The following KIF1A variants were observed in gnomAD, a reference collection of about 807,000 sequenced individuals.
KIF1A encodes the protein kinesin family member 1A.
Under a neutral mutation model 227.3 loss-of-function variants are expected in KIF1A, and 46 were observed. The observed-to-expected ratio is 0.20, with a 90% CI of 0.16 to 0.26. The LOEUF (loss-of-function observed/expected upper bound fraction) is 0.26, where lower values mean the gene tolerates loss of function less well. KIF1A is among the 10% of genes least tolerant of loss of function. The pLI is 1.00. For missense variants in KIF1A, 1,683 were observed against 2,485.9 expected, an observed-to-expected ratio of 0.68 and a Z score of 6.87; for synonymous variants, 1,022 against 1,012.8, an observed-to-expected ratio of 1.01 and a Z score of -0.17.
rs756474087 is a variant in KIF1A at position 240,761,385 on chromosome 2, G to A, written c.2117-8C>T. On this transcript the variant is annotated splice_region_variant and splice_polypyrimidine_tract_variant and intron_variant, in intron 23 of 48. Transcript: ENST00000498729. ...CCCGCTCTGTCCACTGGACTGTGGG[G>A]AGAGGTCACACGTGGTCATCGCAGG... 41 of 1,590,230 alleles carry A rather than the reference G, an allele frequency of 2.6e-5. No individual in the cohort carries two copies. Among genetic ancestry groups the A allele is most frequent in the Non-Finnish European group, 3.3e-5 (39 of 1,164,736 alleles).
In KIF1A at chr2:240,722,609, G is replaced by A. The variant is rs377180036; in HGVS notation, c.4512C>T (p.Thr1504=). The change falls in exon 43 of 49, where the codon ACC becomes ACT. Residue 1504 remains threonine (T), a synonymous_variant. Transcript: ENST00000498729. ...GTGCCTCCGGGACAGGCCGCTGGGC[G>A]GTCTCCAGCTTCTCCCGCAGGAGCA... ...HYLLLREKLE[T]AQRPVPEALS... 8.4e-5 allele frequency: 132 copies of A among 1,564,202 alleles called. No individual in the cohort carries two copies. The highest frequency in any genetic ancestry group is 1.5e-4 in the South Asian group (13 of 85,048).
rs73102667 is a variant in KIF1A at position 240,785,565 on chromosome 2, G to A, written c.609-465C>T. On this transcript the variant is annotated intron_variant, in intron 6 of 48. Coordinates refer to ENST00000498729, the MANE Select transcript of KIF1A (RefSeq NM_001244008.2). Reference sequence around the variant, plus strand: ...GGTCCTCCAGAACAGGAAGCCCAAGGCTGCTGAGGGTGGCCTGGAGTTGGT... The same window carrying A: ...GGTCCTCCAGAACAGGAAGCCCAAGACTGCTGAGGGTGGCCTGGAGTTGGT... Among the ~76,000 whole-genome samples, 1,049 of 152,308 alleles carry A rather than the reference G, an allele frequency of 6.9e-3. 13 individuals carry two copies. Among genetic ancestry groups the A allele is most frequent in the African/African-American group, 0.022 (928 of 41,570 alleles).
chr2:240,745,169 G>A (rs1285462114), intron 32 of KIF1A, among the ~76,000 whole-genome samples: 3 of 152,104 alleles, frequency 2.0e-5, no homozygotes, highest in Admixed American at 6.5e-5. Context: ...CCTGCATCCG[G>A]CTCCCCATCG....
At position 240,792,124 on chromosome 2, in the gene KIF1A, G is replaced by A. The variant is rs1166171232; in HGVS notation, c.107-2812C>T. ...GGGAGGTCCTCTCCCCCGGTCACAC[G>A]ACGCACAGCCAGACTAGAAGCCAGG... is the stretch of plus-strand genomic sequence containing the variant. On this transcript the variant is annotated intron_variant, in intron 2 of 48. Coordinates refer to ENST00000498729, the MANE Select transcript of KIF1A (RefSeq NM_001244008.2). This position sits in a 1 kb window ranked among gnomAD's most constrained non-coding sequence, Gnocchi z 4.5. 6.6e-6 allele frequency among the ~76,000 whole-genome samples: 1 copy of A among 151,832 alleles called. No individual in the cohort carries two copies. The highest frequency in any genetic ancestry group is 1.5e-5 in the Non-Finnish European group (1 of 67,932).
intron 11 of KIF1A, 130 bp from the exon 12 acceptor site, chr2:240,774,391 A>ACCCCC (rs570956380): frequency 2.2e-4 from 59 of 265,672 alleles, no homozygotes; most frequent in African/African-American, 5.1e-4. Flanking sequence ...TCACAGGCTT[A>ACCCCC]CCCCCCCCCC....
rs753590458 is a variant in KIF1A at position 240,723,562 on chromosome 2, C to A, written c.4319-4G>T. 1.3e-6 allele frequency: 2 copies of A among 1,531,982 alleles called. No individual in the cohort carries two copies. The highest frequency in any genetic ancestry group is 1.2e-5 in the South Asian group (1 of 83,068). The allele number at this position is 1,531,982 out of a possible 1,614,324, so 94.9% of individuals were successfully genotyped here. On this transcript the variant is annotated splice_polypyrimidine_tract_variant and splice_region_variant and intron_variant, in intron 41 of 48. Coordinates refer to ENST00000498729, the MANE Select transcript of KIF1A (RefSeq NM_001244008.2). The stretch of plus-strand genomic sequence containing the variant: ...CGTCGGCGCCGGCGCTGCATCCCTG[C>A]ATGGGGCACGTGGACATTCCACCCC...
Position 240,713,945 on chromosome 2 carries a change from CAGGGACGCGGCCTCTG to C in KIF1A, c.*3403_*3418del, listed in dbSNP as rs757597330. 6.5e-6 allele frequency: 1 copy of C among 152,832 alleles called. No homozygotes were observed. Among genetic ancestry groups the C allele is most frequent in the Non-Finnish European group, 1.5e-5 (1 of 68,180 alleles). The allele number at this position is 152,832 out of a possible 1,614,324, so 9.5% of individuals were successfully genotyped here. A position where few individuals can be genotyped will look rare whatever the true frequency, so the allele number is the denominator to read the frequency against. Reference sequence around the variant, plus strand: ...CCACAGCAATCACATATGTACAAGCCAGGGACGCGGCCTCTGAGCCACAGGGGAACCAGGGGACGGA... The same window carrying C: ...CCACAGCAATCACATATGTACAAGCCAGCCACAGGGGAACCAGGGGACGGA... On this transcript the variant is annotated 3_prime_UTR_variant, in exon 49 of 49. Coordinates refer to ENST00000498729, the MANE Select transcript of KIF1A (RefSeq NM_001244008.2).
Position 240,766,907 on chromosome 2 carries a change from G to A in KIF1A, c.1684+8C>T, listed in dbSNP as rs769501237. ...TGGGTGCGGGTAGGGACGGTAGGGT[G>A]GTGATACCTTCGCTGCCTCCCCTGG... On this transcript the variant is annotated splice_region_variant and intron_variant, in intron 19 of 48. Transcript: ENST00000498729. This position sits in a 1 kb window ranked among gnomAD's most constrained non-coding sequence, Gnocchi z 5.0. 3 of 1,589,854 alleles carry A rather than the reference G, an allele frequency of 1.9e-6. No homozygotes were observed. Among genetic ancestry groups the A allele is most frequent in the East Asian group, 2.3e-5 (1 of 44,350 alleles).
chr2:240,768,398 G>A (rs1219435437), intron 17 of KIF1A, among the ~76,000 whole-genome samples: 5 of 152,338 alleles, frequency 3.3e-5, no homozygotes, highest in African/African-American at 1.2e-4. Context: ...GGACCTCAGC[G>A]CGTGCTGGGC....
At chr2:240,745,650 G>A (rs955291292) in intron 31 of KIF1A, 88 bp downstream of exon 31, 4 of 1,526,596 alleles carry the variant, frequency 2.6e-6, no homozygotes, top group African/African-American at 1.4e-5. Flanking sequence ...CACCAACATG[G>A]CCTGCTCCCT....
intron 41 of KIF1A, 112 bp from the exon 42 acceptor site, chr2:240,723,670 G>T: frequency 8.0e-7 from 1 of 1,255,640 alleles, no homozygotes; most frequent in Non-Finnish European, 1.1e-6. Flanking sequence ...GTGGAGATGG[G>T]CTTCCCCTGG....
At chr2:240,787,451 C>T (rs112426666) in intron 4 of KIF1A, 135 bp from the exon 5 acceptor site, 61 of 742,790 alleles carry the variant, frequency 8.2e-5, no homozygotes, top group Middle Eastern at 3.1e-4. Context: ...TCACCACACA[C>T]GTCATGGTAA....
chr2:240,755,350 G>A (rs555826969), intron 27 of KIF1A, among the ~76,000 whole-genome samples: 27 of 152,356 alleles, frequency 1.8e-4, no homozygotes, highest in African/African-American at 4.6e-4. Context: ...TGAGTGTGGC[G>A]GGAGGGAGGG....
chr2:240,719,989 C>T (rs2045101019), intron 45 of KIF1A, 63 bp from the exon 46 acceptor site: 2 of 1,506,352 alleles, frequency 1.3e-6, no homozygotes, highest in African/African-American at 2.8e-5. Context: ...CGTCTTCCCC[C>T]AGGCTTCACC....
Position 240,788,008 on chromosome 2 carries a change from C to T in KIF1A, c.363+43G>A, listed in dbSNP as rs1246103979. The T allele has an allele frequency of 3.3e-6, 5 of 1,528,808 alleles. No individual in the cohort carries two copies. The African/African-American group carries it at 7.0e-5, about 21-fold the overall frequency. The allele number at this position is 1,528,808 out of a possible 1,614,324, so 94.7% of individuals were successfully genotyped here. ...GAGCTCTCAGCCTCAGCTGGTCCCG[C>T]CCCATCTGCCAGGGCTGCCCCCGCC... On this transcript the variant is annotated intron_variant, in intron 4 of 48. Coordinates refer to ENST00000498729, the MANE Select transcript of KIF1A (RefSeq NM_001244008.2). This position sits in a 1 kb window ranked among gnomAD's most constrained non-coding sequence, Gnocchi z 6.6.
At position 240,717,297 on chromosome 2, in the gene KIF1A, G is replaced by T; in HGVS notation, c.*67C>A. 2 of 1,468,594 alleles carry T rather than the reference G, an allele frequency of 1.4e-6. No individual in the cohort carries two copies. Among genetic ancestry groups the T allele is most frequent in the Non-Finnish European group, 9.5e-7 (1 of 1,056,172 alleles). The allele number at this position is 1,468,594 out of a possible 1,614,324, so 91.0% of individuals were successfully genotyped here. Reference sequence around the variant, plus strand: ...GCAGGAGAGGGGCTGGGCGGCAGGTGACAGGACAGACGAGGATGAGGGAGG... The same window carrying T: ...GCAGGAGAGGGGCTGGGCGGCAGGTTACAGGACAGACGAGGATGAGGGAGG... On this transcript the variant is annotated 3_prime_UTR_variant, in exon 49 of 49. Coordinates refer to ENST00000498729, the MANE Select transcript of KIF1A (RefSeq NM_001244008.2).
chr2:240,798,022 A>G (rs895158769), intron 1 of KIF1A: 1 of 370,652 alleles, frequency 2.7e-6, no homozygotes, highest in South Asian at 5.7e-5. Flanking sequence ...CAGCTTCGCA[A>G]GCCTGAGGAA....
chr2:240,732,781 T>G (rs1330614948), intron 38 of KIF1A, among the ~76,000 whole-genome samples: 19 of 5,026 alleles, frequency 3.8e-3, no homozygotes, highest in South Asian at 7.5e-3. Flanking sequence ...GGATAAGGGA[T>G]GAGGGGATAA....
chr2:240,763,099 G>C lies in KIF1A; in HGVS notation c.1950-8C>G. 1.3e-6 allele frequency: 2 copies of C among 1,589,338 alleles called. No individual in the cohort carries two copies. Among genetic ancestry groups the C allele is most frequent in the Non-Finnish European group, 8.6e-7 (1 of 1,169,346 alleles). ...TCCTCCAGTTCCTGGAGCCTGCAAGGGGGCATTGGGGTGAGCACGGGAGGG... is the reference window on the plus strand; with the variant it reads ...TCCTCCAGTTCCTGGAGCCTGCAAGCGGGCATTGGGGTGAGCACGGGAGGG... On this transcript the variant is annotated splice_region_variant and splice_polypyrimidine_tract_variant and intron_variant, in intron 21 of 48. Transcript: ENST00000498729.
Sources: gnomAD v4.1 joint callset for allele counts (sites outside exome capture counted in the v4.1 genomes callset) on GRCh38, gnomAD v4.1.1 for gene constraint, Gnocchi (gnomAD v3.1) non-coding constraint, MANE v1.5 for transcripts, NCBI Gene and HGNC (gene_info 2026-07-23, HGNC 2026-07-21) for gene names.